Variants in ABLIM1 observed in about 807,000 individuals in gnomAD.
The protein encoded by ABLIM1 is actin-binding LIM protein 1.
ABLIM1 carries 40 observed loss-of-function variants against 107.0 expected under a neutral mutation model. The ratio of observed to expected loss-of-function variants is 0.37; its 90% CI spans 0.29 to 0.49. The LOEUF (loss-of-function observed/expected upper bound fraction) is 0.49. Ranked by LOEUF, ABLIM1 falls within the 20% of genes least tolerant of loss-of-function variation. ABLIM1 has a pLI of 0.97. For missense variants in ABLIM1, 857 were observed against 1,008.5 expected (o/e 0.85, Z 2.04); for synonymous variants, 357 against 357.3 (o/e 1.00, Z 0.01).
intron 20 of ABLIM1, 74 bp downstream of exon 20, chr10:114,440,008 G>A: frequency 6.2e-7 from 1 of 1,611,482 alleles, no homozygotes; most frequent in South Asian, 1.1e-5. Flanking sequence ...TGTTGCCTTG[G>A]AGCCAGCAGT....
At chr10:114,728,540 G>A (rs1470300912) in intron 1 of ABLIM1, among the ~76,000 whole-genome samples, 3 of 140,014 alleles carry the variant, frequency 2.1e-5, no homozygotes, top group Non-Finnish European at 3.1e-5. Flanking sequence ...AAAAGAGTGA[G>A]CTATAGCAAC....
chr10:114,801,200 C>A, the ABLIM1 span, among the ~76,000 whole-genome samples: 1 of 151,950 alleles, frequency 6.6e-6, no homozygotes, highest in Middle Eastern at 3.4e-3. Context: ...GATCACTTGA[C>A]AACAAGAGTC....
chr10:114,471,798 A>C (rs1396559731), intron 10 of ABLIM1, among the ~76,000 whole-genome samples: 1 of 152,098 alleles, frequency 6.6e-6, no homozygotes, highest in East Asian at 1.9e-4. Context: ...GAGATGCTAG[A>C]TTGTTTATAT....
At chr10:114,522,288 G>A (rs1229398452) in intron 6 of ABLIM1, among the ~76,000 whole-genome samples, 2 of 152,082 alleles carry the variant, frequency 1.3e-5, no homozygotes, top group East Asian at 3.8e-4. Flanking sequence ...AACCACAAAG[G>A]AAACCTGGCA....
intron 1 of ABLIM1, among the ~76,000 whole-genome samples, chr10:114,716,042 G>A (rs922253350): frequency 1.8e-4 from 28 of 152,098 alleles, no homozygotes; most frequent in African/African-American, 6.5e-4. Flanking sequence ...ACCTTCTCCC[G>A]CTATTTGCTA....
chr10:114,638,133 T>C (rs2078571223), intron 1 of ABLIM1, among the ~76,000 whole-genome samples: 1 of 152,210 alleles, frequency 6.6e-6, no homozygotes, highest in South Asian at 2.1e-4. Context: ...TGTATTCACA[T>C]AGTAATACAC....
chr10:114,627,214 T>C (rs971481171), intron 1 of ABLIM1, among the ~76,000 whole-genome samples: 1 of 152,208 alleles, frequency 6.6e-6, no homozygotes, highest in Non-Finnish European at 1.5e-5. Context: ...AATTTTAATA[T>C]GGTGGCTTCT....
chr10:114,704,083 T>C (rs2081357338), intron 1 of ABLIM1, among the ~76,000 whole-genome samples: 1 of 152,040 alleles, frequency 6.6e-6, no homozygotes. Flanking sequence ...CTTTTTATTT[T>C]CTTTATTTTC....
chr10:114,657,176 C>T (rs147764833), intron 1 of ABLIM1, among the ~76,000 whole-genome samples: 355 of 152,310 alleles, frequency 2.3e-3, no homozygotes, highest in African/African-American at 7.7e-3. Context: ...CCAAGAATGA[C>T]GAGGAATGCG....
chr10:114,526,103 A>G (rs1203286712), intron 6 of ABLIM1, among the ~76,000 whole-genome samples: 1 of 152,238 alleles, frequency 6.6e-6, no homozygotes, highest in Admixed American at 6.5e-5. Context: ...GCAATAAAAC[A>G]TGAATAACAT....
At chr10:114,568,160 G>GCAGTC (rs946532334) in intron 4 of ABLIM1, among the ~76,000 whole-genome samples, 1 of 130,124 alleles carries the variant, frequency 7.7e-6, no homozygotes. Context: ...ACTGCAGTCC[G>GCAGTC]CAGTCCAGCC....
At chr10:114,540,414 CT>C (rs1206795385) in intron 6 of ABLIM1, among the ~76,000 whole-genome samples, 1 of 152,226 alleles carries the variant, frequency 6.6e-6, no homozygotes, top group Non-Finnish European at 1.5e-5. Flanking sequence ...TTCAGATTGG[CT>C]GCCACCCAGA....
chr10:114,639,968 C>A (rs1005207245), intron 1 of ABLIM1, among the ~76,000 whole-genome samples: 9 of 152,176 alleles, frequency 5.9e-5, no homozygotes, highest in African/African-American at 2.2e-4. Flanking sequence ...AGTCACATTC[C>A]ACTCAAACCA....
At chr10:114,653,177 T>G (rs2079332725) in intron 1 of ABLIM1, among the ~76,000 whole-genome samples, 1 of 152,200 alleles carries the variant, frequency 6.6e-6, no homozygotes, top group Non-Finnish European at 1.5e-5. Context: ...TTTCCTTCTC[T>G]GTAAAATGAG....
At chr10:114,665,232 C>A (rs924764257) in intron 1 of ABLIM1, among the ~76,000 whole-genome samples, 2 of 152,206 alleles carry the variant, frequency 1.3e-5, no homozygotes, top group African/African-American at 4.8e-5. Context: ...ACAAGGCTTT[C>A]AGTCCACAAG....
intron 1 of ABLIM1, chr10:114,684,279 G>T (rs1566235170): frequency 2.5e-6 from 4 of 1,611,802 alleles, no homozygotes; most frequent in South Asian, 2.2e-5. Flanking sequence ...TTACAAAATG[G>T]ACGGTCTAAC....
intron 2 of ABLIM1, among the ~76,000 whole-genome samples, chr10:114,575,889 T>A (rs74158019): frequency 0.046 from 7,046 of 152,280 alleles, 584 homozygotes; most frequent in African/African-American, 0.16. Context: ...TCATTCAGGC[T>A]GTCTCAAATA....
intron 6 of ABLIM1, among the ~76,000 whole-genome samples, chr10:114,500,481 A>G (rs1317495470): frequency 6.6e-6 from 1 of 151,878 alleles, no homozygotes; most frequent in African/African-American, 2.4e-5. Context: ...GGAGTTTGAG[A>G]CCAGCCTGGG....
intron 6 of ABLIM1, among the ~76,000 whole-genome samples, chr10:114,515,017 C>T (rs1218112181): frequency 6.6e-6 from 1 of 152,202 alleles, no homozygotes; most frequent in Admixed American, 6.5e-5. Context: ...CTGAGGAGAT[C>T]TCCCAGAACC....
Sources: gnomAD v4.1 joint callset for allele counts (sites outside exome capture counted in the v4.1 genomes callset) on GRCh38, gnomAD v4.1.1 for gene constraint, MANE v1.5 for transcripts, NCBI Gene and HGNC (gene_info 2026-07-23, HGNC 2026-07-21) for gene names.